Variants in RNF17 observed in about 807,000 individuals in gnomAD.
RNF17 encodes spermatogenesis associated 23.
Under a neutral mutation model 200.5 loss-of-function variants are expected in RNF17, and 31 were observed. The observed-to-expected ratio is 0.15, with a 90% CI of 0.12 to 0.21. The LOEUF (loss-of-function observed/expected upper bound fraction) is 0.21. Ranked by LOEUF, RNF17 falls within the 10% of genes least tolerant of loss-of-function variation. The pLI, the probability that RNF17 is intolerant of heterozygous loss-of-function variation, is 1.00. For missense variants in RNF17, 1,628 were observed against 1,905.1 expected, an observed-to-expected ratio of 0.85 and a Z score of 2.71; for synonymous variants, 606 against 637.8, an observed-to-expected ratio of 0.95 and a Z score of 0.75.
rs747487104 is a variant in RNF17 at position 24,781,963 on chromosome 13, T to C, written c.611+19T>C. ...ATTCCAGGTTAGTAACTTAAAAATA[T>C]GGACTCAATGAAACTGAAGTTTCTA... On this transcript the variant is annotated intron_variant, in intron 6 of 35. Transcript: ENST00000255324. 144 of 1,452,848 alleles carry C rather than the reference T, an allele frequency of 9.9e-5. 1 individual carries two copies. Among genetic ancestry groups the C allele is most frequent in the Non-Finnish European group, 1.3e-4 (136 of 1,037,102 alleles). The allele number at this position is 1,452,848 out of a possible 1,614,324, so 90.0% of individuals were successfully genotyped here. A position where few individuals can be genotyped will look rare whatever the true frequency, so the allele number is the denominator to read the frequency against.
At chr13:24,760,603 A>G (rs1878654536), upstream of RNF17, among the ~76,000 whole-genome samples, 1 of 152,202 alleles carries the variant, frequency 6.6e-6, no homozygotes, top group Non-Finnish European at 1.5e-5. Flanking sequence ...ACAGGCAACA[A>G]AAGCAAAAAT....
intron 28 of RNF17, 79 bp downstream of exon 28, chr13:24,862,872 G>A: frequency 2.3e-6 from 2 of 862,026 alleles, no homozygotes; most frequent in South Asian, 3.0e-5. Context: ...GGATATTTTT[G>A]ATGATAAGCA....
chr13:24,756,830 T>C, the RNF17 span, among the ~76,000 whole-genome samples: 1 of 152,174 alleles, frequency 6.6e-6, no homozygotes, highest in African/African-American at 2.4e-5. Context: ...ATTCCCTTCA[T>C]TTTTGCAGTC....
At chr13:24,757,751 T>G in the RNF17 span, among the ~76,000 whole-genome samples, 1 of 152,254 alleles carries the variant, frequency 6.6e-6, no homozygotes, top group Non-Finnish European at 1.5e-5. Flanking sequence ...AAATTTTGAA[T>G]GACATAATGC....
intron 3 of RNF17, 41 bp downstream of exon 3, chr13:24,774,945 G>A: frequency 1.6e-6 from 2 of 1,247,238 alleles, no homozygotes; most frequent in Non-Finnish European, 2.3e-6. Context: ...TAAAGTCAAT[G>A]TGTTACTGAA....
rs551600382 is a variant in RNF17, at chr13:24,845,151, G to A, written c.3101+72G>A. On this transcript the variant is annotated intron_variant, in intron 22 of 35. Coordinates refer to ENST00000255324, the MANE Select transcript of RNF17 (RefSeq NM_031277.3). ...ATGCGTTCTCGTCAGTTTTAATTTTGCTAAGATATTCTGAAATTTTCCTAA... is the reference window on the plus strand; with the variant it reads ...ATGCGTTCTCGTCAGTTTTAATTTTACTAAGATATTCTGAAATTTTCCTAA... 22 of 820,682 alleles carry A rather than the reference G, an allele frequency of 2.7e-5. No homozygotes were observed. The Admixed American group carries it at 3.1e-4, about 12-fold the overall frequency. 50.8% of individuals were successfully genotyped at this position (820,682 alleles called of 1,614,324 possible).
intron 13 of RNF17, among the ~76,000 whole-genome samples, chr13:24,800,841 C>T (rs1885167903): frequency 6.6e-6 from 1 of 152,184 alleles, no homozygotes; most frequent in South Asian, 2.1e-4. Flanking sequence ...TGTTTCTCTA[C>T]AGTATTTTCT....
downstream of RNF17, chr13:24,883,068 C>G: frequency 1.0e-6 from 1 of 983,532 alleles, no homozygotes; most frequent in Non-Finnish European, 1.6e-6. Flanking sequence ...ATTTTAGAAT[C>G]TAATCTTTTC....
At chr13:24,843,412 G>A (rs936238150) in intron 19 of RNF17, among the ~76,000 whole-genome samples, 8 of 152,100 alleles carry the variant, frequency 5.3e-5, no homozygotes, top group Admixed American at 2.0e-4. Flanking sequence ...CAGCTACTTG[G>A]GAGGCTGAGG....
chr13:24,880,240 G>C (rs1456963088), downstream of RNF17, among the ~76,000 whole-genome samples: 2 of 152,156 alleles, frequency 1.3e-5, no homozygotes, highest in African/African-American at 2.4e-5. Context: ...TGGCAGGAGG[G>C]AGAAATGCAA....
rs1317782931 is a variant in RNF17 at position 24,843,968 on chromosome 13, A to C, written c.2828A>C (p.Asn943Thr). ...VQWLLTENLL[N>T]SLEEKMIAAY... is the part of the protein sequence containing the mutation. Reference sequence around the variant, plus strand: ...TGGTTGTTAACTGAAAACTTACTTAATAGGTATAATATATATATATAATAT... The same window carrying C: ...TGGTTGTTAACTGAAAACTTACTTACTAGGTATAATATATATATATAATAT... Residue 943 changes from asparagine to threonine, a missense_variant, in exon 20 of 36, where the codon AAT (asparagine) becomes ACT (threonine). By Grantham distance (65) the Asn-to-Thr change is moderately conservative (BLOSUM62 0). Coordinates refer to ENST00000255324, the MANE Select transcript of RNF17 (RefSeq NM_031277.3). 9.4e-7 allele frequency: 1 copy of C among 1,059,182 alleles called. No individual in the cohort carries two copies. Among genetic ancestry groups the C allele is most frequent in the Non-Finnish European group, 1.4e-6 (1 of 719,644 alleles). The allele number at this position is 1,059,182 out of a possible 1,614,324, so 65.6% of individuals were successfully genotyped here.
chr13:24,856,913 CTG>C (rs780527493), intron 25 of RNF17, among the ~76,000 whole-genome samples: 6 of 152,138 alleles, frequency 3.9e-5, no homozygotes, highest in Non-Finnish European at 8.8e-5. Flanking sequence ...GTGGGAGACA[CTG>C]TGTTCAAAGT....
At chr13:24,872,312 C>A (rs948885484) in intron 32 of RNF17, among the ~76,000 whole-genome samples, 1 of 152,080 alleles carries the variant, frequency 6.6e-6, no homozygotes, top group East Asian at 1.9e-4. Flanking sequence ...ATTAAAATCG[C>A]TTGAAATAAA....
At chr13:24,859,190 A>G (rs1892834077) in intron 26 of RNF17, 26 bp downstream of exon 26, 3 of 1,540,564 alleles carry the variant, frequency 1.9e-6, no homozygotes, top group African/African-American at 1.4e-5. Context: ...TTTTGTGACA[A>G]TTCTAAAGCT....
At position 24,853,174 on chromosome 13, in the gene RNF17, A is replaced by G. The variant is rs1044672572; in HGVS notation, c.3321-681A>G. Among the ~76,000 whole-genome samples the G allele has an allele frequency of 3.3e-5, 5 of 152,204 alleles. No homozygotes were observed. In the East Asian group the frequency reaches 9.6e-4, roughly 29 times the overall value. On this transcript the variant is annotated intron_variant, in intron 24 of 35. Transcript: ENST00000255324. Reference sequence around the variant, plus strand: ...GGTGATCTTCCTGCCTCAGTCTCCCAAAGTGCTGGGATTATAGGCGTGAGC... The same window carrying G: ...GGTGATCTTCCTGCCTCAGTCTCCCGAAGTGCTGGGATTATAGGCGTGAGC...
chr13:24,838,052 G>A (rs4770749), intron 18 of RNF17, among the ~76,000 whole-genome samples: 149,623 of 152,302 alleles, frequency 0.98, 73,535 homozygotes, highest in Middle Eastern at 1. Context: ...ATTCAAGGCT[G>A]CTATGAACAC....
At chr13:24,805,830 G>C (rs1164217091) in intron 15 of RNF17, among the ~76,000 whole-genome samples, 1 of 151,798 alleles carries the variant, frequency 6.6e-6, no homozygotes, top group African/African-American at 2.4e-5. Context: ...AATCCACAAG[G>C]TTCCAATTTC....
rs899352115 is a variant in RNF17, at chr13:24,764,888, G to GGGGTGTGTGTGTGT, written c.130+556_130+557insGGTGTGTGTGTGTG. Among the ~76,000 whole-genome samples the GGGGTGTGTGTGTGT allele has an allele frequency of 2.2e-4, 30 of 134,172 alleles. No individual in the cohort carries two copies. The East Asian group carries it at 4.3e-3, about 19-fold the overall frequency. 88.0% of individuals were successfully genotyped at this position (134,172 alleles called of 152,430 possible). On this transcript the variant is annotated intron_variant, in intron 1 of 35. Transcript: ENST00000255324. The stretch of plus-strand genomic sequence containing the variant: ...ATAGTTTCTTTTGTGCACCTTGTGG[G>GGGGTGTGTGTGTGT]GTGTGTGTGTGTGTGTGTGTGTGTG...
chr13:24,775,489 G>A (rs1881431084), intron 3 of RNF17, among the ~76,000 whole-genome samples: 1 of 152,110 alleles, frequency 6.6e-6, no homozygotes, highest in Admixed American at 6.6e-5. Context: ...GGCTTTAAGT[G>A]ATCCTTCTGC....
Sources: gnomAD v4.1 joint callset for allele counts (sites outside exome capture counted in the v4.1 genomes callset) on GRCh38, gnomAD v4.1.1 for gene constraint, MANE v1.5 for transcripts, NCBI Gene and HGNC (gene_info 2026-07-23, HGNC 2026-07-21) for gene names.